THOC1: variants seen among roughly 807,000 people sequenced by gnomAD.
THOC1 encodes the protein THO complex 1.
In THOC1, 29 loss-of-function variants were observed where a neutral mutation model predicts 97.3. That is an observed-to-expected ratio of 0.30 (90% CI 0.22 to 0.41). The LOEUF (loss-of-function observed/expected upper bound fraction) is 0.41, where lower values mean the gene tolerates loss of function less well. Among genes scored for constraint, THOC1 ranks in the 10% least tolerant of loss-of-function variants. The pLI, the probability that THOC1 is intolerant of heterozygous loss-of-function variation, is 1.00. For synonymous variants in THOC1, 255 were observed against 257.0 expected (o/e 0.99, Z 0.07); for missense variants, 529 against 761.9 (o/e 0.69, Z 3.60).
intron 11 of THOC1, among the ~76,000 whole-genome samples, chr18:232,462 A>T (rs557129972): frequency 6.6e-6 from 1 of 151,768 alleles, no homozygotes; most frequent in Non-Finnish European, 1.5e-5. Flanking sequence ...ATCCATTTTC[A>T]GTGCTTTATA....
chr18:258,873 CA>C (rs1912516021), intron 7 of THOC1, among the ~76,000 whole-genome samples: 1 of 151,882 alleles, frequency 6.6e-6, no homozygotes, highest in Non-Finnish European at 1.5e-5. Context: ...AGAGAAAATC[CA>C]AACACAAAAA....
intron 3 of THOC1, 125 bp from the exon 4 acceptor site, chr18:264,217 A>T: frequency 1.5e-6 from 1 of 648,164 alleles, no homozygotes; most frequent in Non-Finnish European, 2.6e-6. Flanking sequence ...TATTTCTTAT[A>T]GAAAACAATA....
chr18:231,686 A>C (rs1019082273), intron 11 of THOC1, among the ~76,000 whole-genome samples: 1 of 152,168 alleles, frequency 6.6e-6, no homozygotes, highest in Non-Finnish European at 1.5e-5. Context: ...ACATTGTTGA[A>C]GCTCCCTCTA....
Position 257,834 on chromosome 18 carries a change from A to G in THOC1, c.520+1346T>C, listed in dbSNP as rs567939801. ...TATTCAGAATCAGGTAGAGAGAGAC[A>G]AACAGATGAAAAAATATATAAGGAG... On this transcript the variant is annotated intron_variant, in intron 7 of 20. Transcript: ENST00000261600. Among the ~76,000 whole-genome samples, 12 of 152,328 alleles carry G rather than the reference A, an allele frequency of 7.9e-5. No individual in the cohort carries two copies. The South Asian group carries it at 2.5e-3, about 32-fold the overall frequency.
At chr18:261,159 C>T (rs947965443) in intron 4 of THOC1, 2 of 152,028 alleles carry the variant, frequency 1.3e-5, no homozygotes, top group African/African-American at 4.8e-5. Context: ...TAAAGAACAA[C>T]AAAATTAAGA....
chr18:260,411 A>AG, intron 4 of THOC1, 107 bp from the exon 5 acceptor site: 1 of 740,754 alleles, frequency 1.3e-6, no homozygotes, highest in Non-Finnish European at 2.0e-6. Flanking sequence ...TTTGTTACTC[A>AG]TAACAAGGTT....
intron 4 of THOC1, among the ~76,000 whole-genome samples, chr18:262,534 T>C (rs1912635482): frequency 6.6e-6 from 1 of 152,216 alleles, no homozygotes; most frequent in Non-Finnish European, 1.5e-5. Context: ...TTTGTACAAC[T>C]TCTTCATTAA....
At chr18:215,191 G>A (rs576305934) in intron 20 of THOC1, among the ~76,000 whole-genome samples, 4 of 152,164 alleles carry the variant, frequency 2.6e-5, no homozygotes, top group Admixed American at 6.5e-5. Context: ...GGTATGGGTC[G>A]CCTTCAAATG....
intron 18 of THOC1, among the ~76,000 whole-genome samples, chr18:218,286 A>G (rs946946155): frequency 6.6e-6 from 1 of 152,166 alleles, no homozygotes; most frequent in Non-Finnish European, 1.5e-5. Context: ...GGTAGAGGGA[A>G]TCGAACCTAT....
At chr18:233,404 T>C (rs758609852) in intron 11 of THOC1, among the ~76,000 whole-genome samples, 4 of 152,058 alleles carry the variant, frequency 2.6e-5, no homozygotes, top group Non-Finnish European at 5.9e-5. Context: ...CTGACCAATA[T>C]GGAGAAACCT....
intron 10 of THOC1, among the ~76,000 whole-genome samples, chr18:246,845 C>T (rs1464418955): frequency 2.1e-5 from 3 of 140,878 alleles, no homozygotes; most frequent in Admixed American, 7.5e-5. Flanking sequence ...GGTGTGGTGG[C>T]GGGCACCTGT....
chr18:242,726 A>C lies in THOC1; in HGVS notation c.918+3598T>G, dbSNP rs1478699165. Among the ~76,000 whole-genome samples, 1 of 152,190 alleles carries C rather than the reference A, an allele frequency of 6.6e-6. No individual in the cohort carries two copies. Among genetic ancestry groups the C allele is most frequent in the Non-Finnish European group, 1.5e-5 (1 of 68,028 alleles). ...AGCTCTTACTGGCAAGGAATATGGC[A>C]CCCATATCCCTGAAAAATCCAGACC... On this transcript the variant is annotated intron_variant, in intron 11 of 20. Transcript: ENST00000261600. The surrounding 1 kb of genome is among the most constrained non-coding windows in gnomAD (Gnocchi z 4.5).
rs1911900982 is a variant in THOC1, at chr18:241,531, C to A, written c.918+4793G>T. On this transcript the variant is annotated intron_variant, in intron 11 of 20. Coordinates refer to ENST00000261600, the MANE Select transcript of THOC1 (RefSeq NM_005131.3). ...AACAGTACATAACTGTGGGTAACCT[C>A]ACCCTGGTAACTGCTAGCCACTGAG... 2.6e-5 allele frequency among the ~76,000 whole-genome samples: 4 copies of A among 152,188 alleles called. No individual in the cohort carries two copies. In the South Asian group the frequency reaches 8.3e-4, roughly 32 times the overall value.
intron 1 of THOC1, among the ~76,000 whole-genome samples, chr18:267,452 GATCT>G (rs1425120605): frequency 1.1e-4 from 17 of 152,206 alleles, no homozygotes; most frequent in Admixed American, 6.5e-4. Flanking sequence ...TTCCCAAGGT[GATCT>G]ATCTGCCTTT....
intron 11 of THOC1, among the ~76,000 whole-genome samples, chr18:240,647 C>A (rs1466303717): frequency 6.6e-6 from 1 of 152,136 alleles, no homozygotes; most frequent in Non-Finnish European, 1.5e-5. Context: ...AAGCAGGGAT[C>A]CCCAACCTTT....
intron 11 of THOC1, among the ~76,000 whole-genome samples, chr18:243,147 G>T (rs1911964677): frequency 6.6e-6 from 1 of 152,100 alleles, no homozygotes; most frequent in South Asian, 2.1e-4. Flanking sequence ...TACTCCTATG[G>T]TAAGTTTTAA....
intron 7 of THOC1, among the ~76,000 whole-genome samples, chr18:258,784 G>A (rs760763508): frequency 1.3e-5 from 2 of 152,124 alleles, no homozygotes; most frequent in East Asian, 1.9e-4. Flanking sequence ...TTTTCTATAT[G>A]AGCGTTATAT....
chr18:246,916 C>CAAAAAAAAAAAAAAAAAAAAAAAAAA, intron 10 of THOC1, among the ~76,000 whole-genome samples: 1 of 98,230 alleles, frequency 1.0e-5, no homozygotes, highest in Non-Finnish European at 2.1e-5. Context: ...GGCTCCGTCT[C>CAAAAAAAAAAAAAAAAAAAAAAAAAA]AAAAAAAAAA....
chr18:265,097 C>T lies in THOC1; in HGVS notation c.189+206G>A, dbSNP rs1912721006. On this transcript the variant is annotated intron_variant, in intron 3 of 20. Transcript: ENST00000261600. Reference sequence around the variant, plus strand: ...TATCTCACTTGGAGAGGGCTCTTGTCATTTATTAAACCAAACCCTTAAAAT... The same window carrying T: ...TATCTCACTTGGAGAGGGCTCTTGTTATTTATTAAACCAAACCCTTAAAAT... The T allele has an allele frequency of 3.2e-5, 17 of 527,914 alleles. No individual in the cohort carries two copies. In the South Asian group the frequency reaches 4.3e-4, roughly 13 times the overall value. The allele number at this position is 527,914 out of a possible 1,614,324, so 32.7% of individuals were successfully genotyped here.
Sources: allele counts gnomAD v4.1 joint callset (sites outside exome capture counted in the v4.1 genomes callset), GRCh38; gene constraint gnomAD v4.1.1; non-coding constraint Gnocchi (gnomAD v3.1); transcripts MANE v1.5; gene names NCBI Gene and HGNC (gene_info 2026-07-23, HGNC 2026-07-21).